The following ANO3 variants were observed in gnomAD, a reference collection of about 807,000 sequenced individuals.
ANO3 encodes anoctamin 3.
In ANO3, 99 loss-of-function variants were observed where a neutral mutation model predicts 144.8. That is an observed-to-expected ratio of 0.68 (90% CI 0.58 to 0.81). The LOEUF is 0.81. Ranked by LOEUF, ANO3 falls within the 30% of genes least tolerant of loss-of-function variation. The pLI is 0.00. For synonymous variants in ANO3, 414 were observed against 392.6 expected (o/e 1.05, Z -0.64); for missense variants, 905 against 1,202.2 (o/e 0.75, Z 3.66).
intron 4 of ANO3, among the ~76,000 whole-genome samples, chr11:26,506,793 G>A (rs1350414507): frequency 6.6e-6 from 1 of 152,264 alleles, no homozygotes; most frequent in East Asian, 1.9e-4. Flanking sequence ...CTCTTTCTTG[G>A]ATATTCTTTC....
At chr11:26,197,881 T>G (rs1851620809) in intron 1 of ANO3, among the ~76,000 whole-genome samples, 1 of 152,190 alleles carries the variant, frequency 6.6e-6, no homozygotes, top group African/African-American at 2.4e-5. Context: ...CTTAGGCTTC[T>G]TTTCCCTAAT....
chr11:26,641,990 A>G lies in ANO3; in HGVS notation c.2236A>G (p.Met746Val), dbSNP rs779736325. Residue 746 changes from methionine to valine, a missense_variant, in exon 22 of 27, where the codon ATG (methionine) becomes GTG (valine). This residue lies in a region of ANO3 where 597 missense variants were observed against 865.1 expected (regional missense o/e 0.69). Transcript: ENST00000256737. ...GGAAAATGATTGGAATCTGCAGCCC[A>G]TGAACCTTCATGGACTGATGGATGA... ...QWENDWNLQP[M>V]NLHGLMDEYL... 4 of 1,614,070 alleles carry G rather than the reference A, an allele frequency of 2.5e-6. No individual in the cohort carries two copies. Among genetic ancestry groups the G allele is most frequent in the South Asian group, 1.1e-5 (1 of 91,078 alleles).
chr11:26,369,505 A>C (rs887259569), intron 1 of ANO3, among the ~76,000 whole-genome samples: 64 of 152,074 alleles, frequency 4.2e-4, no homozygotes, highest in African/African-American at 1.5e-3. Context: ...TATAAAGCTA[A>C]TTTTTAAATA....
intron 6 of ANO3, among the ~76,000 whole-genome samples, chr11:26,521,076 A>G (rs976629316): frequency 1.3e-5 from 2 of 152,084 alleles, no homozygotes; most frequent in Non-Finnish European, 2.9e-5. Flanking sequence ...TTTATTTACA[A>G]TGTACACTGG....
chr11:26,459,038 C>A (rs1480913897), intron 3 of ANO3, among the ~76,000 whole-genome samples: 1 of 151,934 alleles, frequency 6.6e-6, no homozygotes, highest in Non-Finnish European at 1.5e-5. Flanking sequence ...TGAACAGAAC[C>A]CTGGCTAAAA....
At chr11:26,361,588 T>A (rs1855927099) in intron 1 of ANO3, among the ~76,000 whole-genome samples, 1 of 152,140 alleles carries the variant, frequency 6.6e-6, no homozygotes, top group African/African-American at 2.4e-5. Flanking sequence ...AGCAAAAAGA[T>A]GTAATTAGGC....
chr11:26,553,608 T>A (rs1473123534), intron 13 of ANO3, among the ~76,000 whole-genome samples: 1 of 152,166 alleles, frequency 6.6e-6, no homozygotes, highest in East Asian at 1.9e-4. Context: ...TGTAATTATA[T>A]CTAGATTCTT....
intron 1 of ANO3, among the ~76,000 whole-genome samples, chr11:26,373,766 T>C (rs181352047): frequency 6.6e-6 from 1 of 152,268 alleles, no homozygotes; most frequent in East Asian, 1.9e-4. Flanking sequence ...CATAGTAAGT[T>C]TTTAAATATA....
At chr11:26,626,483 A>G (rs1852588770) in intron 18 of ANO3, among the ~76,000 whole-genome samples, 1 of 152,140 alleles carries the variant, frequency 6.6e-6, no homozygotes, top group South Asian at 2.1e-4. Context: ...AAGACCTAGT[A>G]CCCCTGTCAT....
At chr11:26,596,592 G>A (rs1183693941) in intron 14 of ANO3, among the ~76,000 whole-genome samples, 4 of 152,142 alleles carry the variant, frequency 2.6e-5, no homozygotes, top group Non-Finnish European at 5.9e-5. Context: ...ACAGCGTAGA[G>A]CTTCCTTAGA....
At chr11:26,575,882 C>T (rs983686708) in intron 14 of ANO3, among the ~76,000 whole-genome samples, 3 of 152,136 alleles carry the variant, frequency 2.0e-5, no homozygotes, top group African/African-American at 7.2e-5. Flanking sequence ...ATCTTCCCTT[C>T]CAGTTCTAGC....
intron 4 of ANO3, among the ~76,000 whole-genome samples, chr11:26,464,901 T>C (rs1022070): frequency 0.97 from 147,630 of 151,872 alleles, 71,874 homozygotes; most frequent in Middle Eastern, 1. Context: ...AAATTCCATT[T>C]GAGCAATAAC....
chr11:26,565,710 T>G, intron 14 of ANO3: 1 of 1,612,986 alleles, frequency 6.2e-7, no homozygotes, highest in East Asian at 2.2e-5. Flanking sequence ...TGCTTCACTT[T>G]CCAAAGAAAT....
intron 3 of ANO3, among the ~76,000 whole-genome samples, chr11:26,445,821 T>G (rs1858681868): frequency 6.6e-6 from 1 of 151,824 alleles, no homozygotes; most frequent in Admixed American, 6.6e-5. Context: ...TTTTTATTAT[T>G]TTATTTTATT....
At chr11:26,277,712 T>C (rs1853589149) in intron 1 of ANO3, among the ~76,000 whole-genome samples, 1 of 151,922 alleles carries the variant, frequency 6.6e-6, no homozygotes, top group Non-Finnish European at 1.5e-5. Flanking sequence ...TCCAAATAGA[T>C]AATAATTTTT....
At chr11:26,565,016 T>G (rs1850509711) in intron 14 of ANO3, 1 of 720,136 alleles carries the variant, frequency 1.4e-6, no homozygotes. Context: ...TTCTAGTGAC[T>G]ATAATGATCA....
At chr11:26,642,138 A>G (rs1160470848) in intron 22 of ANO3, 109 bp downstream of exon 22, 22 of 1,275,274 alleles carry the variant, frequency 1.7e-5, no homozygotes, top group Middle Eastern at 2.5e-4. Context: ...TCCAACCCCA[A>G]GCATTCTAAA....
At chr11:26,550,191 A>G (rs570589708) in intron 12 of ANO3, among the ~76,000 whole-genome samples, 1 of 151,308 alleles carries the variant, frequency 6.6e-6, no homozygotes, top group East Asian at 1.9e-4. Context: ...ATATATAATT[A>G]TTACAGAAAT....
intron 14 of ANO3, among the ~76,000 whole-genome samples, chr11:26,597,265 C>G (rs1851661288): frequency 6.6e-6 from 1 of 152,148 alleles, no homozygotes; most frequent in African/African-American, 2.4e-5. Flanking sequence ...ACCTGGGGTT[C>G]TTGGCCTCAC....
Sources: allele counts gnomAD v4.1 joint callset (sites outside exome capture counted in the v4.1 genomes callset), GRCh38; gene constraint gnomAD v4.1.1; regional missense constraint gnomAD v4.1.1; transcripts MANE v1.5; gene names NCBI Gene and HGNC (gene_info 2026-07-23, HGNC 2026-07-21).